The following GNA12 variants were observed in gnomAD, a reference collection of about 807,000 sequenced individuals.
GNA12 encodes the protein G protein subunit alpha 12, also known as guanine nucleotide-binding protein subunit alpha-12.
A neutral mutation model predicts 26.0 loss-of-function variants in GNA12; 9 were observed. The observed-to-expected ratio is 0.35, with a 90% CI of 0.21 to 0.60. The LOEUF (loss-of-function observed/expected upper bound fraction) is 0.60. Among genes scored for constraint, GNA12 ranks in the 20% least tolerant of loss-of-function variants. GNA12 has a pLI of 0.78. For synonymous variants in GNA12, 264 were observed against 219.6 expected (o/e 1.20, Z -1.79); for missense variants, 405 against 525.8 (o/e 0.77, Z 2.25).
At chr7:2,762,610 C>T (rs1204616891) in intron 2 of GNA12, 2 of 1,536,234 alleles carry the variant, frequency 1.3e-6, no homozygotes, top group East Asian at 2.4e-5. Flanking sequence ...GGACAATCCC[C>T]TTCCGGATAA....
At chr7:2,773,296 G>C (rs1767093085) in intron 2 of GNA12, among the ~76,000 whole-genome samples, 1 of 152,224 alleles carries the variant, frequency 6.6e-6, no homozygotes, top group African/African-American at 2.4e-5. Context: ...GGGGGCGGTG[G>C]CTCACGCCTG....
chr7:2,807,009 C>T (rs534294643), intron 1 of GNA12, among the ~76,000 whole-genome samples: 2 of 152,178 alleles, frequency 1.3e-5, no homozygotes, highest in African/African-American at 2.4e-5. Context: ...CCAATTTACA[C>T]ATTTATGTTT....
intron 2 of GNA12, among the ~76,000 whole-genome samples, chr7:2,739,680 C>G (rs1790401568): frequency 1.3e-5 from 2 of 152,060 alleles, no homozygotes; most frequent in African/African-American, 4.8e-5. Flanking sequence ...TATGGTAGTT[C>G]TTTTTTTATT....
chr7:2,752,230 C>G (rs1291849412), intron 2 of GNA12, among the ~76,000 whole-genome samples: 1 of 152,012 alleles, frequency 6.6e-6, no homozygotes, highest in African/African-American at 2.4e-5. Flanking sequence ...AAAAATTCAA[C>G]ACATGCTCAG....
intron 2 of GNA12, among the ~76,000 whole-genome samples, chr7:2,778,124 T>C (rs1792125698): frequency 6.6e-6 from 1 of 152,208 alleles, no homozygotes; most frequent in Non-Finnish European, 1.5e-5. Context: ...GGGATACATG[T>C]GTCCAGTTGT....
At chr7:2,821,379 C>G (rs886940777) in intron 1 of GNA12, among the ~76,000 whole-genome samples, 1 of 152,172 alleles carries the variant, frequency 6.6e-6, no homozygotes, top group African/African-American at 2.4e-5. Flanking sequence ...TCCCTTCCCT[C>G]GTAAATACTG....
chr7:2,842,111 G>C, intron 1 of GNA12, among the ~76,000 whole-genome samples: 1 of 78,040 alleles, frequency 1.3e-5, no homozygotes, highest in Non-Finnish European at 3.0e-5. Context: ...AGGAAGGAAG[G>C]GAAGGGAGGA....
intron 1 of GNA12, among the ~76,000 whole-genome samples, chr7:2,820,766 C>A (rs1402548089): frequency 6.6e-6 from 1 of 151,702 alleles, no homozygotes; most frequent in East Asian, 1.9e-4. Context: ...GAGACAGGAT[C>A]TCACTCTGTC....
chr7:2,840,678 G>A (rs895427096), intron 1 of GNA12, among the ~76,000 whole-genome samples: 10 of 152,088 alleles, frequency 6.6e-5, no homozygotes, highest in African/African-American at 2.4e-4. Context: ...GGGCAACATA[G>A]TGAGACCCCA....
chr7:2,728,815 A>C lies in GNA12; in HGVS notation c.*2366T>G, dbSNP rs1358106393. Reference sequence around the variant, plus strand: ...ACAGAATTTGGAAGGGGGTGTCTTTAAAAACGTTCTAATTCACCCCGGTCA... The same window carrying C: ...ACAGAATTTGGAAGGGGGTGTCTTTCAAAACGTTCTAATTCACCCCGGTCA... On this transcript the variant is annotated 3_prime_UTR_variant, in exon 4 of 4. Coordinates refer to ENST00000275364, the MANE Select transcript of GNA12 (RefSeq NM_007353.3). 6.6e-6 allele frequency: 1 copy of C among 152,388 alleles called. No homozygotes were observed. The highest frequency in any genetic ancestry group is 1.5e-5 in the Non-Finnish European group (1 of 68,050). The allele number at this position is 152,388 out of a possible 1,614,324, so 9.4% of individuals were successfully genotyped here.
intron 1 of GNA12, among the ~76,000 whole-genome samples, chr7:2,811,624 A>C (rs1793083686): frequency 6.6e-6 from 1 of 152,230 alleles, no homozygotes; most frequent in South Asian, 2.1e-4. Context: ...CAGATTTCGT[A>C]AGGTTGTAAA....
chr7:2,768,092 T>A (rs1791852127), intron 2 of GNA12, among the ~76,000 whole-genome samples: 1 of 152,192 alleles, frequency 6.6e-6, no homozygotes, highest in African/African-American at 2.4e-5. Flanking sequence ...TGACCTCAGG[T>A]TATCCACCTG....
chr7:2,844,223 G>A lies in GNA12; in HGVS notation c.-62C>T. On this transcript the variant is annotated 5_prime_UTR_variant, in exon 1 of 4. Transcript: ENST00000275364. ...GGGGGCCATGGACGCTCCCGCCGGC[G>A]AGGGCGAGCCCGGGCCGAGGCACCG... The A allele has an allele frequency of 1.2e-6, 1 of 850,270 alleles. No homozygotes were observed. The highest frequency in any genetic ancestry group is 1.4e-6 in the Non-Finnish European group (1 of 708,702). 52.7% of individuals were successfully genotyped at this position (850,270 alleles called of 1,614,324 possible). A position where few individuals can be genotyped will look rare whatever the true frequency, so the allele number is the denominator to read the frequency against.
intron 2 of GNA12, 145 bp from the exon 3 acceptor site, chr7:2,733,646 G>T: frequency 1.5e-6 from 1 of 654,902 alleles, no homozygotes; most frequent in African/African-American, 1.8e-5. Context: ...GAGTGTCCGT[G>T]TGTTTTCTAA....
At chr7:2,751,907 CCTCA>C (rs1791059157) in intron 2 of GNA12, among the ~76,000 whole-genome samples, 1 of 152,182 alleles carries the variant, frequency 6.6e-6, no homozygotes, top group African/African-American at 2.4e-5. Flanking sequence ...GCCTAGATGA[CCTCA>C]CTATCAAACA....
chr7:2,815,085 A>T (rs1459423521), intron 1 of GNA12: 1 of 1,264,828 alleles, frequency 7.9e-7, no homozygotes, highest in Admixed American at 2.5e-5. Flanking sequence ...GACACAACAG[A>T]GAACCAGACA....
At chr7:2,745,946 G>A (rs1215864654) in intron 2 of GNA12, among the ~76,000 whole-genome samples, 4 of 151,972 alleles carry the variant, frequency 2.6e-5, no homozygotes, top group Admixed American at 1.3e-4. Context: ...ATGGTAAAGC[G>A]ATCAATTCAA....
At chr7:2,827,874 A>C (rs1324186709) in intron 1 of GNA12, among the ~76,000 whole-genome samples, 1 of 152,180 alleles carries the variant, frequency 6.6e-6, no homozygotes, top group Non-Finnish European at 1.5e-5. Flanking sequence ...CCTACTTCAA[A>C]AACACCTACA....
At chr7:2,811,252 C>T (rs912512592) in intron 1 of GNA12, among the ~76,000 whole-genome samples, 3 of 152,194 alleles carry the variant, frequency 2.0e-5, no homozygotes, top group Admixed American at 1.3e-4. Flanking sequence ...ACAACATCTA[C>T]ACCTGGCCCT....
Sources: gnomAD v4.1 joint callset for allele counts (sites outside exome capture counted in the v4.1 genomes callset) on GRCh38, gnomAD v4.1.1 for gene constraint, MANE v1.5 for transcripts, NCBI Gene and HGNC (gene_info 2026-07-23, HGNC 2026-07-21) for gene names.